Variants in ABAT observed in about 807,000 individuals in gnomAD.
ABAT encodes 4-aminobutyrate aminotransferase.
In ABAT, 45 loss-of-function variants were observed where a neutral mutation model predicts 64.6. That is an observed-to-expected ratio of 0.70 (90% CI 0.55 to 0.89). The LOEUF (loss-of-function observed/expected upper bound fraction) is 0.89. Ranked by LOEUF, ABAT falls within the 40% of genes least tolerant of loss-of-function variation. The pLI, the probability that ABAT is intolerant of heterozygous loss-of-function variation, is 0.00. For synonymous variants in ABAT, 297 were observed against 250.5 expected (o/e 1.19, Z -1.75); for missense variants, 633 against 658.4 (o/e 0.96, Z 0.42).
intron 2 of ABAT, among the ~76,000 whole-genome samples, chr16:8,737,991 G>GAAAGAAAGAAAGAAAAA (rs55862439): frequency 6.7e-5 from 1 of 14,962 alleles, no homozygotes; most frequent in Non-Finnish European, 1.2e-4. Flanking sequence ...GAAGGAAGGA[G>GAAAGAAAGAAAGAAAAA]GAAAGAAAGA....
chr16:8,721,693 T>G (rs577389275), intron 1 of ABAT, among the ~76,000 whole-genome samples: 1 of 152,340 alleles, frequency 6.6e-6, no homozygotes, highest in Admixed American at 6.5e-5. Context: ...CTATGATTAT[T>G]CTTTCTCCAG....
At chr16:8,676,312 C>A (rs1309040409) in intron 1 of ABAT, among the ~76,000 whole-genome samples, 2 of 152,056 alleles carry the variant, frequency 1.3e-5, no homozygotes, top group African/African-American at 4.8e-5. Flanking sequence ...AAGAGACTTG[C>A]TCAAGGTCAC....
intron 1 of ABAT, among the ~76,000 whole-genome samples, chr16:8,690,804 T>C (rs905908232): frequency 6.6e-6 from 1 of 152,156 alleles, no homozygotes; most frequent in Non-Finnish European, 1.5e-5. Context: ...GCACCCAAAA[T>C]CTCATTAAAT....
chr16:8,752,119 T>TC (rs2059505418), intron 5 of ABAT, among the ~76,000 whole-genome samples: 1 of 152,116 alleles, frequency 6.6e-6, no homozygotes, highest in South Asian at 2.1e-4. Context: ...GCCTTGGCTG[T>TC]CCCCCCTCCT....
chr16:8,774,537 C>T (rs2060210079), intron 12 of ABAT, among the ~76,000 whole-genome samples: 1 of 152,008 alleles, frequency 6.6e-6, no homozygotes, highest in Non-Finnish European at 1.5e-5. Flanking sequence ...GAAGCACATT[C>T]GAGGCCTCAC....
chr16:8,769,579 AG>A (rs2060045359), intron 11 of ABAT, among the ~76,000 whole-genome samples: 2 of 139,336 alleles, frequency 1.4e-5, no homozygotes, highest in African/African-American at 2.6e-5. Flanking sequence ...AAAAAAAAAA[AG>A]AGAGAGAGAG....
chr16:8,749,615 C>T (rs1469335600), intron 4 of ABAT, among the ~76,000 whole-genome samples: 4 of 151,316 alleles, frequency 2.6e-5, no homozygotes, highest in East Asian at 1.9e-4. Flanking sequence ...AGGCTGGTTT[C>T]GAACTCCTCA....
At chr16:8,686,995 T>A (rs568953585) in intron 1 of ABAT, among the ~76,000 whole-genome samples, 50 of 152,208 alleles carry the variant, frequency 3.3e-4, no homozygotes, top group African/African-American at 1.2e-3. Context: ...CAGAGTGGCC[T>A]TGGATGGGTG....
intron 5 of ABAT, 117 bp from the exon 6 acceptor site, chr16:8,757,640 T>C: frequency 8.6e-7 from 1 of 1,158,978 alleles, no homozygotes; most frequent in Non-Finnish European, 1.3e-6. Context: ...AAAAGACCCT[T>C]TGGTTTTTAA....
intron 1 of ABAT, among the ~76,000 whole-genome samples, chr16:8,682,902 G>T (rs534871531): frequency 2.0e-5 from 3 of 152,096 alleles, no homozygotes; most frequent in Non-Finnish European, 2.9e-5. Flanking sequence ...ATATCCCCTG[G>T]GGTGATTTGT....
At chr16:8,739,255 A>C (rs1454704807) in intron 2 of ABAT, among the ~76,000 whole-genome samples, 1 of 152,224 alleles carries the variant, frequency 6.6e-6, no homozygotes, top group East Asian at 1.9e-4. Flanking sequence ...AGGAGACACC[A>C]TGGGAAGAGC....
intron 1 of ABAT, among the ~76,000 whole-genome samples, chr16:8,706,990 G>C (rs976825128): frequency 6.6e-6 from 1 of 152,084 alleles, no homozygotes; most frequent in Admixed American, 6.6e-5. Flanking sequence ...TCAGAGGGTG[G>C]AATGGGTGGG....
At chr16:8,679,463 C>T (rs568479762) in intron 1 of ABAT, among the ~76,000 whole-genome samples, 1 of 150,810 alleles carries the variant, frequency 6.6e-6, no homozygotes, top group Non-Finnish European at 1.5e-5. Context: ...GCCACTTTAA[C>T]TCTCAGTGCC....
chr16:8,744,808 C>T (rs2043528708), intron 2 of ABAT, among the ~76,000 whole-genome samples: 1 of 151,844 alleles, frequency 6.6e-6, no homozygotes, highest in African/African-American at 2.4e-5. Context: ...GCAGATGTTG[C>T]AGTGAGCCCA....
At chr16:8,722,853 G>C in intron 1 of ABAT, 1 of 1,289,160 alleles carries the variant, frequency 7.8e-7, no homozygotes, top group Non-Finnish European at 1.0e-6. Flanking sequence ...GTAGGAGCAA[G>C]GCTTGGGGAA....
chr16:8,735,173 CAA>C (rs79765636), intron 1 of ABAT, among the ~76,000 whole-genome samples: 11,035 of 72,156 alleles, frequency 0.15, 580 homozygotes, highest in African/African-American at 0.24. Context: ...GACTCCATCT[CAA>C]AAAAAAAAAA....
chr16:8,722,956 C>A, intron 1 of ABAT: 2 of 1,018,902 alleles, frequency 2.0e-6, no homozygotes, highest in Non-Finnish European at 2.7e-6. Context: ...CAATGTGATC[C>A]AGCCAGGCAA....
At chr16:8,772,252 CTGTGTGTGTGTGTGTGTGTG>C (rs55677241) in intron 11 of ABAT, among the ~76,000 whole-genome samples, 2,436 of 147,922 alleles carry the variant, frequency 0.016, 63 homozygotes, top group African/African-American at 0.054. Context: ...CTCTCTGTCT[CTGTGTGTGTGTGTGTGTGTG>C]TGTGTGTGTG....
Position 8,724,182 on chromosome 16 carries a change from C to G in ABAT, c.-41-11517C>G, listed in dbSNP as rs763947931. On this transcript the variant is annotated intron_variant, in intron 1 of 15. Transcript: ENST00000268251. The stretch of plus-strand genomic sequence containing the variant: ...AAAACCCAGGCTCAAATACCACCTC[C>G]ATGCACAACCCACATATCTTAATTA... Among the ~76,000 whole-genome samples, 152 of 152,024 alleles carry G rather than the reference C, an allele frequency of 1.0e-3. 3 individuals carry two copies. Among genetic ancestry groups the G allele is most frequent in the Non-Finnish European group, 3.2e-4 (22 of 68,008 alleles).
Sources: gnomAD v4.1 joint callset for allele counts (sites outside exome capture counted in the v4.1 genomes callset) on GRCh38, gnomAD v4.1.1 for gene constraint, MANE v1.5 for transcripts, NCBI Gene and HGNC (gene_info 2026-07-23, HGNC 2026-07-21) for gene names.